CHID1: variants seen among roughly 807,000 people sequenced by gnomAD.
The protein encoded by CHID1 is chitinase domain containing 1, also known as chitinase domain-containing protein 1.
A neutral mutation model predicts 55.4 loss-of-function variants in CHID1; 44 were observed. That is an observed-to-expected ratio of 0.79 (90% CI 0.62 to 1.02). The LOEUF (loss-of-function observed/expected upper bound fraction) is 1.02, where lower values mean the gene tolerates loss of function less well. Ranked by LOEUF, CHID1 falls within the 50% of genes least tolerant of loss-of-function variation. CHID1 has a pLI of 0.00. For missense variants in CHID1, 491 were observed against 515.3 expected (o/e 0.95, Z 0.46); for synonymous variants, 216 against 212.9 (o/e 1.01, Z -0.13).
upstream of CHID1, chr11:914,417 G>T (rs973257125): frequency 3.1e-5 from 24 of 785,254 alleles, no homozygotes; most frequent in South Asian, 8.9e-5. Context: ...GTGGGCATGG[G>T]GGGGACAGAG....
intron 10 of CHID1, among the ~76,000 whole-genome samples, chr11:876,509 C>T (rs962266851): frequency 3.9e-5 from 6 of 152,162 alleles, no homozygotes; most frequent in African/African-American, 9.7e-5. Flanking sequence ...CACTCGTAGA[C>T]GGGACTCTGG....
intron 10 of CHID1, 113 bp from the exon 11 acceptor site, chr11:870,612 T>C (rs1589811601): frequency 1.4e-6 from 1 of 733,140 alleles, no homozygotes; most frequent in Non-Finnish European, 2.4e-6. Flanking sequence ...GGGCAGCCAC[T>C]GTCCCCAGTG....
intron 1 of CHID1, among the ~76,000 whole-genome samples, chr11:905,747 A>G (rs192678525): frequency 6.6e-6 from 1 of 152,272 alleles, no homozygotes; most frequent in African/African-American, 2.4e-5. Context: ...CACGTTAAGT[A>G]CTAGGAGAAA....
rs533181489 is a variant in CHID1, at chr11:882,073, T to C, written c.959+1075A>G. On this transcript the variant is annotated intron_variant, in intron 10 of 12. Transcript: ENST00000323578. The stretch of plus-strand genomic sequence containing the variant: ...CCGGTGTGGTGGCTCACCCCTGTAA[T>C]CCCAGCACTTTGGGAGGCCAAGGTG... Among the ~76,000 whole-genome samples the C allele has an allele frequency of 2.0e-5, 3 of 150,404 alleles. No individual in the cohort carries two copies. The South Asian group carries it at 6.3e-4, about 32-fold the overall frequency.
intron 8 of CHID1, among the ~76,000 whole-genome samples, chr11:889,601 T>G (rs1589855832): frequency 6.6e-6 from 1 of 152,146 alleles, no homozygotes; most frequent in Non-Finnish European, 1.5e-5. Flanking sequence ...CCAGGCTGAA[T>G]GTGAGGAAGG....
intron 8 of CHID1, among the ~76,000 whole-genome samples, chr11:892,097 A>G (rs907245196): frequency 1.1e-4 from 16 of 152,298 alleles, no homozygotes; most frequent in Non-Finnish European, 2.1e-4. Context: ...CCTGGGCGAC[A>G]GAGTGAGACT....
chr11:898,316 C>T lies in CHID1; in HGVS notation c.608+1024G>A, dbSNP rs541180521. On this transcript the variant is annotated intron_variant, in intron 7 of 12. Transcript: ENST00000323578. ...ACACCATGCAGCCTGAGCTCAGGCC[C>T]GGGCTCTTAAAGCCCAACCAGAACT... Among the ~76,000 whole-genome samples, 254 of 152,172 alleles carry T rather than the reference C, an allele frequency of 1.7e-3. 1 individual carries two copies. The highest frequency in any genetic ancestry group is 5.9e-3 in the African/African-American group (244 of 41,512).
chr11:901,052 G>A (rs1851773824), intron 4 of CHID1, 72 bp from the exon 5 acceptor site: 1 of 1,429,842 alleles, frequency 7.0e-7, no homozygotes, highest in Non-Finnish European at 9.6e-7. Flanking sequence ...ACCTGAGGAG[G>A]AAAACGTGGC....
intron 10 of CHID1, among the ~76,000 whole-genome samples, chr11:878,644 A>G (rs1437201229): frequency 1.3e-5 from 2 of 152,180 alleles, no homozygotes; most frequent in Non-Finnish European, 2.9e-5. Context: ...GAACTAACAC[A>G]AGTCTTAATC....
intron 8 of CHID1, among the ~76,000 whole-genome samples, chr11:885,472 T>C (rs1321030958): frequency 6.6e-6 from 1 of 151,666 alleles, no homozygotes; most frequent in African/African-American, 2.4e-5. Context: ...CATGGTCCCC[T>C]CAGCCCCGAC....
chr11:886,783 C>A (rs764084406), intron 8 of CHID1, among the ~76,000 whole-genome samples: 1 of 152,240 alleles, frequency 6.6e-6, no homozygotes, highest in Non-Finnish European at 1.5e-5. Flanking sequence ...CCCCAGCTCA[C>A]AGCCCCACAT....
At chr11:900,524 C>T (rs938271988) in intron 5 of CHID1, among the ~76,000 whole-genome samples, 5 of 152,184 alleles carry the variant, frequency 3.3e-5, no homozygotes, top group African/African-American at 7.2e-5. Flanking sequence ...TGCTACTGGA[C>T]GTGGGGACAC....
At chr11:900,777 A>T (rs1221505818) in intron 5 of CHID1, among the ~76,000 whole-genome samples, 159 bp downstream of exon 5, 1 of 152,168 alleles carries the variant, frequency 6.6e-6, no homozygotes, top group Non-Finnish European at 1.5e-5. Context: ...AGGGCTGTGA[A>T]TGCCAGGCCA....
chr11:874,499 G>A lies in CHID1; in HGVS notation c.960-4000C>T, dbSNP rs562494015. ...AGATAGGGTCTTGTTCTGTCACGAA[G>A]ACTGGAATGCAATGGTGTGATCATA... On this transcript the variant is annotated intron_variant, in intron 10 of 12. Coordinates refer to ENST00000323578, the MANE Select transcript of CHID1 (RefSeq NM_023947.4). Among the ~76,000 whole-genome samples, 39 of 152,284 alleles carry A rather than the reference G, an allele frequency of 2.6e-4. No homozygotes were observed. In the South Asian group the frequency reaches 7.9e-3, roughly 31 times the overall value.
intron 1 of CHID1, among the ~76,000 whole-genome samples, chr11:907,414 G>C (rs1022413936): frequency 6.6e-6 from 1 of 152,156 alleles, no homozygotes; most frequent in Admixed American, 6.5e-5. Context: ...CCAGGAGGTG[G>C]AGTTCGCAGT....
At position 869,280 on chromosome 11, in the gene CHID1, C is replaced by T. The variant is rs28478730; in HGVS notation, c.*578G>A. The T allele has an allele frequency of 0.99, 152,938 of 154,236 alleles. 75,842 individuals carry two copies. Among genetic ancestry groups the T allele is most frequent in the Middle Eastern group, 1 (296 of 296 alleles). The allele number at this position is 154,236 out of a possible 1,614,324, so 9.6% of individuals were successfully genotyped here. On this transcript the variant is annotated 3_prime_UTR_variant, in exon 13 of 13. Transcript: ENST00000323578. ...AGAGGGTGGGCCAGGCTCCTCTGAG[C>T]CCATTTCTAGGGCAGCCCCTGCACC...
intron 1 of CHID1, 32 bp from the exon 2 acceptor site, chr11:904,891 C>T (rs753963661): frequency 2.6e-5 from 42 of 1,606,808 alleles, no homozygotes; most frequent in Middle Eastern, 1.7e-4. Flanking sequence ...TTCAAACAAC[C>T]GGCAGAGAAA....
intron 8 of CHID1, among the ~76,000 whole-genome samples, chr11:893,140 G>A (rs978807650): frequency 1.6e-4 from 25 of 152,272 alleles, no homozygotes; most frequent in Admixed American, 3.3e-4. Context: ...ACCCTGGGGT[G>A]CCCCCAGCCA....
rs114789029 is a variant in CHID1 at position 890,664 on chromosome 11, C to T, written c.701+2763G>A. Among the ~76,000 whole-genome samples, 886 of 152,208 alleles carry T rather than the reference C, an allele frequency of 5.8e-3. 7 individuals are homozygous for T. The highest frequency in any genetic ancestry group is 0.021 in the African/African-American group (864 of 41,434). On this transcript the variant is annotated intron_variant, in intron 8 of 12. Coordinates refer to ENST00000323578, the MANE Select transcript of CHID1 (RefSeq NM_023947.4). ...GCTCCCATGTTAAGGATGGCACCAC[C>T]ACATGGGCACCTGGGGACAGCCTGT...
Sources: gnomAD v4.1 joint callset for allele counts (sites outside exome capture counted in the v4.1 genomes callset) on GRCh38, gnomAD v4.1.1 for gene constraint, MANE v1.5 for transcripts, NCBI Gene and HGNC (gene_info 2026-07-23, HGNC 2026-07-21) for gene names.